The following CEP192 variants were observed in gnomAD, a reference collection of about 807,000 sequenced individuals.
CEP192 encodes centrosomal protein 192.
Under a neutral mutation model 271.8 loss-of-function variants are expected in CEP192, and 151 were observed. The observed-to-expected ratio is 0.56, with a 90% confidence interval of 0.49 to 0.64. CEP192 has a LOEUF of 0.64. Ranked by LOEUF, CEP192 falls within the 30% of genes least tolerant of loss-of-function variation. The pLI is 0.00. For missense variants in CEP192, 2,910 were observed against 3,020.5 expected (o/e 0.96, Z 0.86); for synonymous variants, 995 against 1,076.5 (o/e 0.92, Z 1.48).
chr18:13,073,619 C>G (rs187509348), intron 30 of CEP192, among the ~76,000 whole-genome samples: 1 of 152,278 alleles, frequency 6.6e-6, no homozygotes, highest in East Asian at 1.9e-4. Flanking sequence ...ATTTATTGCT[C>G]ACAGTTCTGG....
intron 30 of CEP192, among the ~76,000 whole-genome samples, chr18:13,074,175 A>C (rs567012947): frequency 6.6e-6 from 1 of 152,300 alleles, no homozygotes; most frequent in East Asian, 1.9e-4. Context: ...GGATGTGATA[A>C]ATTACAAGAT....
intron 44 of CEP192, among the ~76,000 whole-genome samples, chr18:13,120,506 G>A (rs2040612549): frequency 6.6e-6 from 1 of 152,186 alleles, no homozygotes; most frequent in South Asian, 2.1e-4. Flanking sequence ...AAGGAACTTA[G>A]AAACGTGAGA....
At chr18:13,108,524 C>T (rs140552006) in intron 40 of CEP192, among the ~76,000 whole-genome samples, 2,994 of 152,268 alleles carry the variant, frequency 0.02, 75 homozygotes, top group African/African-American at 0.067. Context: ...CAGAAGAAGA[C>T]ATACAAGCAG....
intron 33 of CEP192, among the ~76,000 whole-genome samples, chr18:13,091,272 C>T (rs1304730505): frequency 1.3e-5 from 2 of 152,160 alleles, no homozygotes; most frequent in African/African-American, 4.8e-5. Context: ...GTTGTGTTGA[C>T]ACAGCCAACC....
chr18:13,069,089 A>G lies in CEP192; in HGVS notation c.4963A>G (p.Thr1655Ala), dbSNP rs142019445. ...ATGTCTGTCTTGCCCCATCCTCCAG[A>G]CGATGCATTTCTTGGCCAAAGTGGC... is the stretch of plus-strand genomic sequence containing the variant. ...ARIHAPRDLQ[T>A]MHFLAKVASS... The change falls in exon 26 of 45, where the codon ACG becomes GCG. Residue 1655 changes from threonine to alanine, a missense_variant and splice_region_variant. Physicochemically the swap from Thr to Ala is moderately conservative, Grantham distance 58. Coordinates refer to ENST00000506447, the MANE Select transcript of CEP192 (RefSeq NM_032142.4). 3.0e-5 allele frequency: 49 copies of G among 1,614,144 alleles called. No homozygotes were observed. The highest frequency in any genetic ancestry group is 1.1e-4 in the African/African-American group (8 of 75,028).
At position 13,092,512 on chromosome 18, in the gene CEP192, GCTTGGAAT is replaced by G; in HGVS notation, c.6242_6249del (p.Leu2081TyrfsTer63). On this transcript the variant is annotated frameshift_variant, in exon 34 of 45. Transcript: ENST00000506447. LOFTEE classifies it high-confidence loss of function. ...TTCCTTCAGCCTTCTTCCAAAGCTA[GCTTGGAAT>G]CTACAAGGTAAAATAAATGAACAGA... is the stretch of plus-strand genomic sequence containing the variant. 1 of 1,606,292 alleles carries G rather than the reference GCTTGGAAT, an allele frequency of 6.2e-7. No individual in the cohort carries two copies. The highest frequency in any genetic ancestry group is 8.5e-7 in the Non-Finnish European group (1 of 1,177,224).
chr18:12,992,995 A>G (rs984632944), intron 1 of CEP192, among the ~76,000 whole-genome samples: 1 of 152,242 alleles, frequency 6.6e-6, no homozygotes, highest in African/African-American at 2.4e-5. Flanking sequence ...ACATGTCTGT[A>G]TATGAATGAA....
At chr18:13,114,047 A>G (rs2298595) in intron 41 of CEP192, 83 bp from the exon 42 acceptor site, 62,462 of 1,467,432 alleles carry the variant, frequency 0.043, 2,107 homozygotes, top group East Asian at 0.18. Context: ...TTTAAAGGAA[A>G]TGATAGAATT....
chr18:12,994,495 T>C (rs2033090062), intron 1 of CEP192, among the ~76,000 whole-genome samples: 1 of 152,060 alleles, frequency 6.6e-6, no homozygotes, highest in African/African-American at 2.4e-5. Flanking sequence ...GATTCATAGT[T>C]AATGGTCTTT....
At chr18:13,024,508 G>A (rs971934677) in intron 9 of CEP192, among the ~76,000 whole-genome samples, 3 of 152,064 alleles carry the variant, frequency 2.0e-5, no homozygotes, top group Non-Finnish European at 2.9e-5. Context: ...CTGTTGCCAG[G>A]CTGGAATGCA....
At chr18:13,099,609 T>C in intron 37 of CEP192, 28 bp downstream of exon 37, 1 of 1,156,616 alleles carries the variant, frequency 8.6e-7, no homozygotes, top group Non-Finnish European at 1.3e-6. Flanking sequence ...TTGGTTTTTT[T>C]TTTGAGTGAC....
intron 30 of CEP192, among the ~76,000 whole-genome samples, chr18:13,084,527 GT>G (rs1183971032): frequency 6.6e-6 from 1 of 152,196 alleles, no homozygotes; most frequent in Admixed American, 6.5e-5. Context: ...GGTACAGTCT[GT>G]CACAGCTTCC....
intron 39 of CEP192, chr18:13,103,832 G>C: frequency 1.7e-6 from 1 of 575,828 alleles, no homozygotes; most frequent in Non-Finnish European, 3.3e-6. Context: ...TGGGACCACA[G>C]GTGTGCACCA....
At chr18:13,033,172 G>A (rs192788294) in intron 11 of CEP192, among the ~76,000 whole-genome samples, 1 of 152,110 alleles carries the variant, frequency 6.6e-6, no homozygotes, top group Non-Finnish European at 1.5e-5. Flanking sequence ...AGCAAACTGA[G>A]AATAAAAGAT....
intron 30 of CEP192, among the ~76,000 whole-genome samples, chr18:13,084,568 C>T (rs1461698290): frequency 1.3e-5 from 2 of 152,202 alleles, no homozygotes; most frequent in African/African-American, 4.8e-5. Flanking sequence ...TCCCCCGACC[C>T]CTTGTGCTTC....
At chr18:12,999,089 A>G (rs1295432407) in intron 1 of CEP192, among the ~76,000 whole-genome samples, 1 of 152,196 alleles carries the variant, frequency 6.6e-6, no homozygotes, top group African/African-American at 2.4e-5. Context: ...CATCAGTGTT[A>G]TGCCATCTTT....
At chr18:13,042,693 C>T (rs1362667136) in intron 15 of CEP192, among the ~76,000 whole-genome samples, 1 of 152,102 alleles carries the variant, frequency 6.6e-6, no homozygotes, top group Non-Finnish European at 1.5e-5. Context: ...TTCTAAACTT[C>T]ACTTAAAAGA....
At chr18:13,059,439 C>A in intron 21 of CEP192, 127 bp downstream of exon 21, 1 of 673,678 alleles carries the variant, frequency 1.5e-6, no homozygotes, top group Non-Finnish European at 2.5e-6. Context: ...TCAAGCTGAA[C>A]TTTGGTTCTT....
intron 11 of CEP192, among the ~76,000 whole-genome samples, chr18:13,031,058 G>C (rs992544235): frequency 6.6e-6 from 1 of 152,060 alleles, no homozygotes; most frequent in African/African-American, 2.4e-5. Flanking sequence ...AAAAGAAACA[G>C]GTTGTTGATT....
Sources: allele counts gnomAD v4.1 joint callset (sites outside exome capture counted in the v4.1 genomes callset), GRCh38; gene constraint gnomAD v4.1.1; transcripts MANE v1.5; gene names NCBI Gene and HGNC (gene_info 2026-07-23, HGNC 2026-07-21).